Variants in PHACTR2 observed in about 807,000 individuals in gnomAD.
PHACTR2 encodes phosphatase and actin regulator 2, also known as chromosome 6 open reading frame 56.
In PHACTR2, 30 loss-of-function variants were observed where a neutral mutation model predicts 76.0. The ratio of observed to expected loss-of-function variants is 0.39; its 90% CI spans 0.30 to 0.54. The LOEUF (loss-of-function observed/expected upper bound fraction) is 0.54. Ranked by LOEUF, PHACTR2 falls within the 20% of genes least tolerant of loss-of-function variation. PHACTR2 has a pLI of 0.61. For synonymous variants in PHACTR2, 292 were observed against 292.5 expected, an observed-to-expected ratio of 1.00 and a Z score of 0.02; for missense variants, 696 against 781.1, an observed-to-expected ratio of 0.89 and a Z score of 1.30.
intron 1 of PHACTR2, among the ~76,000 whole-genome samples, chr6:143,666,040 C>A (rs1202953880): frequency 3.3e-5 from 5 of 151,730 alleles, no homozygotes; most frequent in Admixed American, 6.6e-5. Context: ...AAACCACCCC[C>A]CAACAGGCCC....
At position 143,696,792 on chromosome 6, in the gene PHACTR2, G is replaced by A. The variant is rs1049949750; in HGVS notation, c.47-15224G>A. ...TTTTCTTCTCTGGAAGCTTTAGTGTGGAAATACCTAAGTGTCAGCCCTCTC... is the reference window on the plus strand; with the variant it reads ...TTTTCTTCTCTGGAAGCTTTAGTGTAGAAATACCTAAGTGTCAGCCCTCTC... On this transcript the variant is annotated intron_variant, in intron 1 of 12. Transcript: ENST00000440869. This position sits in a 1 kb window ranked among gnomAD's most constrained non-coding sequence, Gnocchi z 4.1. Among the ~76,000 whole-genome samples, 2 of 152,152 alleles carry A rather than the reference G, an allele frequency of 1.3e-5. No individual in the cohort carries two copies. The highest frequency in any genetic ancestry group is 2.9e-5 in the Non-Finnish European group (2 of 68,016).
At chr6:143,768,972 C>T (rs1466649233) in intron 6 of PHACTR2, among the ~76,000 whole-genome samples, 1 of 152,164 alleles carries the variant, frequency 6.6e-6, no homozygotes, top group African/African-American at 2.4e-5. Context: ...CTGCCTTTTT[C>T]AAGTGGATAT....
In PHACTR2 at chr6:143,784,279, G is replaced by C. The variant is rs181049764; in HGVS notation, c.1707+999G>C. Among the ~76,000 whole-genome samples the C allele has an allele frequency of 7.2e-5, 11 of 152,254 alleles. No individual in the cohort carries two copies. The South Asian group carries it at 1.2e-3, about 17-fold the overall frequency. ...ACAAATGTCTTACCTCCCAAACTCA[G>C]ACAATTGTTGCCACTTATTTATGAA... is the stretch of plus-strand genomic sequence containing the variant. On this transcript the variant is annotated intron_variant, in intron 10 of 12. Transcript: ENST00000440869. The surrounding 1 kb of genome is among the most constrained non-coding windows in gnomAD (Gnocchi z 4.5).
upstream of PHACTR2, among the ~76,000 whole-genome samples, chr6:143,604,525 C>A (rs1410039572): frequency 6.6e-6 from 1 of 152,164 alleles, no homozygotes; most frequent in Admixed American, 6.5e-5. Context: ...AGTATTATTG[C>A]CACCTATTGC....
intron 2 of PHACTR2, among the ~76,000 whole-genome samples, chr6:143,737,987 A>T (rs1778857137): frequency 6.6e-6 from 1 of 152,228 alleles, no homozygotes; most frequent in South Asian, 2.1e-4. Context: ...AAAGTAATAA[A>T]CATGGATTTG....
chr6:143,672,485 G>C lies in PHACTR2; in HGVS notation c.14-39531G>C, dbSNP rs1777171155. Among the ~76,000 whole-genome samples, 1 of 151,816 alleles carries C rather than the reference G, an allele frequency of 6.6e-6. No homozygotes were observed. Among genetic ancestry groups the C allele is most frequent in the Non-Finnish European group, 1.5e-5 (1 of 67,904 alleles). ...CAAAAACAAAAAACAAACAAAAAAA[G>C]CTGCAAGCAATAAACAAACAAATAC... On this transcript the variant is annotated intron_variant, in intron 1 of 11. Transcript: ENST00000305766. The surrounding 1 kb of genome is among the most constrained non-coding windows in gnomAD (Gnocchi z 5.8).
Position 143,580,022 on chromosome 6 carries a change from G to C in PHACTR2, c.217+42815G>C, listed in dbSNP as rs949502023. Among the ~76,000 whole-genome samples, 1 of 152,142 alleles carries C rather than the reference G, an allele frequency of 6.6e-6. No individual in the cohort carries two copies. Among genetic ancestry groups the C allele is most frequent in the Non-Finnish European group, 1.5e-5 (1 of 68,024 alleles). On this transcript the variant is annotated intron_variant, in intron 1 of 11. Coordinates refer to the PHACTR2 transcript ENST00000367584. This position sits in a 1 kb window ranked among gnomAD's most constrained non-coding sequence, Gnocchi z 4.2. The stretch of plus-strand genomic sequence containing the variant: ...TTCCCCATGGGCTGTTGTTTTGCAG[G>C]CCACCCTCAGTTTCTTGCCACGTGG...
chr6:143,615,840 A>T (rs1403468721), intron 1 of PHACTR2, among the ~76,000 whole-genome samples: 1 of 152,210 alleles, frequency 6.6e-6, no homozygotes, highest in Non-Finnish European at 1.5e-5. Context: ...CCTTTGTCTC[A>T]TCTGACCACA....
chr6:143,812,233 A>C (rs1266047172), intron 12 of PHACTR2, among the ~76,000 whole-genome samples: 1 of 152,210 alleles, frequency 6.6e-6, no homozygotes, highest in African/African-American at 2.4e-5. Flanking sequence ...CTGGTGGCCA[A>C]GGGCAGGCAT....
In PHACTR2 at chr6:143,653,160, C is replaced by T. The variant is rs1022033331; in HGVS notation, c.13+44838C>T. The stretch of plus-strand genomic sequence containing the variant: ...TAATCCTAATCATTGAACTTTGGCC[C>T]TCTGGAAACAAGGCCAGTCGCAAGA... On this transcript the variant is annotated intron_variant, in intron 1 of 11. Coordinates refer to the PHACTR2 transcript ENST00000305766. The surrounding 1 kb of genome is among the most constrained non-coding windows in gnomAD (Gnocchi z 4.9). Among the ~76,000 whole-genome samples the T allele has an allele frequency of 1.3e-5, 2 of 152,164 alleles. No individual in the cohort carries two copies. The highest frequency in any genetic ancestry group is 2.9e-5 in the Non-Finnish European group (2 of 68,042).
Position 143,823,715 on chromosome 6 carries a change from G to A in PHACTR2, c.*26G>A, listed in dbSNP as rs1470117415. 11 of 1,592,424 alleles carry A rather than the reference G, an allele frequency of 6.9e-6. No homozygotes were observed. Among genetic ancestry groups the A allele is most frequent in the Non-Finnish European group, 9.5e-6 (11 of 1,160,278 alleles). ...CGAAGAGTGAGACTATTTGGAAACA[G>A]AGACTGATCATCTTTGGGGGAAGCC... On this transcript the variant is annotated 3_prime_UTR_variant, in exon 13 of 13. Transcript: ENST00000440869. This position sits in a 1 kb window ranked among gnomAD's most constrained non-coding sequence, Gnocchi z 5.7.
Position 143,816,890 on chromosome 6 carries a change from A to T in PHACTR2, c.1923-6784A>T, listed in dbSNP as rs1776307301. Among the ~76,000 whole-genome samples, 1 of 152,102 alleles carries T rather than the reference A, an allele frequency of 6.6e-6. No individual in the cohort carries two copies. The highest frequency in any genetic ancestry group is 2.4e-5 in the African/African-American group (1 of 41,408). On this transcript the variant is annotated intron_variant, in intron 12 of 12. Transcript: ENST00000440869. This position sits in a 1 kb window ranked among gnomAD's most constrained non-coding sequence, Gnocchi z 4.5. ...AGACCAGCCTGGTCAACATGGCACA[A>T]TGCTGTCTCTACAAAAAATACAAAA...
intron 1 of PHACTR2, among the ~76,000 whole-genome samples, chr6:143,693,098 T>C (rs1384718374): frequency 6.6e-6 from 1 of 152,200 alleles, no homozygotes; most frequent in African/African-American, 2.4e-5. Context: ...CCATATGACC[T>C]CATTTTACCT....
chr6:143,700,273 A>C lies in PHACTR2; in HGVS notation c.47-11743A>C, dbSNP rs1341145419. On this transcript the variant is annotated intron_variant, in intron 1 of 12. Transcript: ENST00000440869. This position sits in a 1 kb window ranked among gnomAD's most constrained non-coding sequence, Gnocchi z 4.1. ...CCTTACTTAAAAACTGTGATATTTC[A>C]GCCAGGCGCGGTGGCTCATGCCTGT... Among the ~76,000 whole-genome samples, 1 of 152,148 alleles carries C rather than the reference A, an allele frequency of 6.6e-6. No individual in the cohort carries two copies. Among genetic ancestry groups the C allele is most frequent in the East Asian group, 1.9e-4 (1 of 5,182 alleles).
In PHACTR2 at chr6:143,791,639, C is replaced by T. The variant is rs1052552562; in HGVS notation, c.1845+2729C>T. On this transcript the variant is annotated intron_variant, in intron 11 of 12. Transcript: ENST00000440869. The surrounding 1 kb of genome is among the most constrained non-coding windows in gnomAD (Gnocchi z 4.7). ...TCTGTACCCTTAGTTATTTTTTTGT[C>T]AGTTTGATCCATCAGGTAACAAACA... Among the ~76,000 whole-genome samples, 4 of 151,958 alleles carry T rather than the reference C, an allele frequency of 2.6e-5. No individual in the cohort carries two copies. The highest frequency in any genetic ancestry group is 1.3e-4 in the Admixed American group (2 of 15,242).
At chr6:143,749,989 A>G (rs1356020443) in intron 3 of PHACTR2, among the ~76,000 whole-genome samples, 1 of 152,252 alleles carries the variant, frequency 6.6e-6, no homozygotes, top group African/African-American at 2.4e-5. Context: ...AAATTGAAAT[A>G]ATAATACAGC....
intron 1 of PHACTR2, among the ~76,000 whole-genome samples, chr6:143,665,024 C>A (rs967070116): frequency 6.6e-6 from 1 of 152,084 alleles, no homozygotes; most frequent in Admixed American, 6.6e-5. Context: ...GGTCTGAACT[C>A]CTGACCTCAA....
At position 143,698,181 on chromosome 6, in the gene PHACTR2, A is replaced by G. The variant is rs908524396; in HGVS notation, c.47-13835A>G. ...GTTTGATGGTGCTCTAATTGGATTCAGAGGCTTTCTGTGTGTGTTTTATCC... is the reference window on the plus strand; with the variant it reads ...GTTTGATGGTGCTCTAATTGGATTCGGAGGCTTTCTGTGTGTGTTTTATCC... On this transcript the variant is annotated intron_variant, in intron 1 of 12. Coordinates refer to ENST00000440869, the MANE Select transcript of PHACTR2 (RefSeq NM_001100164.2). This position sits in a 1 kb window ranked among gnomAD's most constrained non-coding sequence, Gnocchi z 4.3. Among the ~76,000 whole-genome samples the G allele has an allele frequency of 3.9e-5, 6 of 152,232 alleles. No homozygotes were observed. Among genetic ancestry groups the G allele is most frequent in the African/African-American group, 1.2e-4 (5 of 41,462 alleles).
At chr6:143,716,939 A>G (rs9496753) in intron 2 of PHACTR2, among the ~76,000 whole-genome samples, 2,643 of 152,268 alleles carry the variant, frequency 0.017, 77 homozygotes, top group African/African-American at 0.058. Context: ...TTGCCCCTCC[A>G]TATCCTCTTG....
Sources: gnomAD v4.1 joint callset for allele counts (sites outside exome capture counted in the v4.1 genomes callset) on GRCh38, gnomAD v4.1.1 for gene constraint, Gnocchi (gnomAD v3.1) non-coding constraint, MANE v1.5 for transcripts, NCBI Gene and HGNC (gene_info 2026-07-23, HGNC 2026-07-21) for gene names.